The following KHNYN variants were observed in gnomAD, a reference collection of about 807,000 sequenced individuals.
KHNYN encodes the protein protein KHNYN.
A neutral mutation model predicts 62.7 loss-of-function variants in KHNYN; 42 were observed. The ratio of observed to expected loss-of-function variants is 0.67; its 90% CI spans 0.52 to 0.87. KHNYN has a LOEUF of 0.87. Ranked by LOEUF, KHNYN falls within the 40% of genes least tolerant of loss-of-function variation. The probability of loss-of-function intolerance (pLI) is 0.00; values close to 1 mark genes in which losing one functional copy is unlikely to be tolerated. For synonymous variants in KHNYN, 347 were observed against 345.6 expected (o/e 1.00, Z -0.04); for missense variants, 829 against 874.1 (o/e 0.95, Z 0.65).
Position 24,440,290 on chromosome 14 carries a change from AT to A in KHNYN, c.*3007del. On this transcript the variant is annotated 3_prime_UTR_variant, in exon 8 of 8. Transcript: ENST00000553935. The stretch of plus-strand genomic sequence containing the variant: ...CACCCAAGGTCTGGGCAAACTCAGC[AT>A]TAGTGGCGGAGGATGGAGCCACTCC... 1.2e-6 allele frequency: 2 copies of A among 1,614,032 alleles called. No individual in the cohort carries two copies. Among genetic ancestry groups the A allele is most frequent in the Non-Finnish European group, 8.5e-7 (1 of 1,179,896 alleles).
rs999049065 is a variant in KHNYN at position 24,437,342 on chromosome 14, C to T, written c.*57C>T. ...CAGCTCCAGCCGCCTCCAGCTCAGCCCTTTCTGTGAGAGTCCCTCTGCTGC... is the reference window on the plus strand; with the variant it reads ...CAGCTCCAGCCGCCTCCAGCTCAGCTCTTTCTGTGAGAGTCCCTCTGCTGC... On this transcript the variant is annotated 3_prime_UTR_variant, in exon 8 of 8. Coordinates refer to ENST00000553935, the MANE Select transcript of KHNYN (RefSeq NM_015299.3). The surrounding 1 kb of genome is among the most constrained non-coding windows in gnomAD (Gnocchi z 5.5). The T allele has an allele frequency of 6.4e-7, 1 of 1,564,738 alleles. No individual in the cohort carries two copies. Among genetic ancestry groups the T allele is most frequent in the Non-Finnish European group, 8.7e-7 (1 of 1,154,152 alleles).
At position 24,431,833 on chromosome 14, in the gene KHNYN, T is replaced by A; in HGVS notation, c.572T>A (p.Leu191Gln). The A allele has an allele frequency of 1.2e-6, 2 of 1,613,994 alleles. No homozygotes were observed. Among genetic ancestry groups the A allele is most frequent in the South Asian group, 1.1e-5 (1 of 91,086 alleles). The stretch of plus-strand genomic sequence containing the variant: ...CCCCTGGCTGTCCAGGAGGAGCTGC[T>A]GAGTCTGGTGCAGGAGGCGTCTAGT... ...QLPLAVQEEL[L>Q]SLVQEASSGQ... Residue 191 changes from leucine (L) to glutamine (Q), a missense_variant, in exon 3 of 8, where the codon CTG becomes CAG. By Grantham distance (113) the Leu-to-Gln change is moderately radical. Transcript: ENST00000553935.
chr14:24,430,188 G>A (rs1190072802), intron 1 of KHNYN, 69 bp downstream of exon 1: 5 of 969,032 alleles, frequency 5.2e-6, no homozygotes, highest in African/African-American at 3.5e-5. Flanking sequence ...GGCCCGGCCC[G>A]GGGTGGCTGC....
chr14:24,429,604 A>G, upstream of KHNYN: 4 of 922,290 alleles, frequency 4.3e-6, no homozygotes, highest in Admixed American at 3.8e-5. Context: ...CCTCCCGCCT[A>G]CCCCCTCCGC....
chr14:24,441,338 TC>T lies in KHNYN; in HGVS notation c.*4054del. The T allele has an allele frequency of 2.2e-6, 1 of 452,046 alleles. No individual in the cohort carries two copies. The highest frequency in any genetic ancestry group is 4.0e-6 in the Non-Finnish European group (1 of 252,622). The allele number at this position is 452,046 out of a possible 1,614,324, so 28.0% of individuals were successfully genotyped here. Reference sequence around the variant, plus strand: ...TAAATGATAATAAGCATAAAACACTTCAAATAGTGGCTGGTGTGTATAATTG... The same window carrying T: ...TAAATGATAATAAGCATAAAACACTTAAATAGTGGCTGGTGTGTATAATTG... On this transcript the variant is annotated 3_prime_UTR_variant, in exon 8 of 8. Transcript: ENST00000553935.
chr14:24,441,453 C>T lies in KHNYN; in HGVS notation c.*4168C>T. 1 of 521,012 alleles carries T rather than the reference C, an allele frequency of 1.9e-6. No individual in the cohort carries two copies. Among genetic ancestry groups the T allele is most frequent in the Non-Finnish European group, 3.3e-6 (1 of 299,486 alleles). The allele number at this position is 521,012 out of a possible 1,614,324, so 32.3% of individuals were successfully genotyped here. A position where few individuals can be genotyped will look rare whatever the true frequency, so the allele number is the denominator to read the frequency against. On this transcript the variant is annotated 3_prime_UTR_variant, in exon 8 of 8. Coordinates refer to ENST00000553935, the MANE Select transcript of KHNYN (RefSeq NM_015299.3). ...AGTAAGGGACTTTGGGATAGGTGGA[C>T]TTTTCCCTGGCATTGAGTGATGCCA...
chr14:24,426,657 C>T (rs1594747905), upstream of KHNYN: 1 of 152,362 alleles, frequency 6.6e-6, no homozygotes, highest in East Asian at 1.9e-4. Context: ...TAGTGTCTCA[C>T]TGACCACCAT....
Position 24,439,816 on chromosome 14 carries a change from C to G in KHNYN, c.*2531C>G, listed in dbSNP as rs1034607719. The G allele has an allele frequency of 5.1e-6, 2 of 391,654 alleles. No individual in the cohort carries two copies. Among genetic ancestry groups the G allele is most frequent in the African/African-American group, 4.1e-5 (2 of 48,820 alleles). The allele number at this position is 391,654 out of a possible 1,614,324, so 24.3% of individuals were successfully genotyped here. Reference sequence around the variant, plus strand: ...CCTAAACTGCAGAGCATTCTCTACACAGCGTAAAGGAGAAGTGGGGCAGCT... The same window carrying G: ...CCTAAACTGCAGAGCATTCTCTACAGAGCGTAAAGGAGAAGTGGGGCAGCT... On this transcript the variant is annotated 3_prime_UTR_variant, in exon 8 of 8. Coordinates refer to ENST00000553935, the MANE Select transcript of KHNYN (RefSeq NM_015299.3).
In KHNYN at chr14:24,440,127, A is replaced by C; in HGVS notation, c.*2842A>C. On this transcript the variant is annotated 3_prime_UTR_variant, in exon 8 of 8. Coordinates refer to ENST00000553935, the MANE Select transcript of KHNYN (RefSeq NM_015299.3). ...AAGGCAGCCCCTAGCTCTGGGAAGG[A>C]ATACTGGTAGCCAGTGGCCAGTGTT... 6.2e-7 allele frequency: 1 copy of C among 1,612,204 alleles called. No individual in the cohort carries two copies. The highest frequency in any genetic ancestry group is 1.1e-5 in the South Asian group (1 of 90,934).
rs2139415776 is a variant in KHNYN, at chr14:24,441,512, A to C, written c.*4227A>C. Reference sequence around the variant, plus strand: ...TGTTTTTTCAGGGTCTCAATTTCTTAGTGAAAGTACACAAAGGTTAGGAGA... The same window carrying C: ...TGTTTTTTCAGGGTCTCAATTTCTTCGTGAAAGTACACAAAGGTTAGGAGA... On this transcript the variant is annotated 3_prime_UTR_variant, in exon 8 of 8. Transcript: ENST00000553935. 1 of 595,216 alleles carries C rather than the reference A, an allele frequency of 1.7e-6. No individual in the cohort carries two copies. Among genetic ancestry groups the C allele is most frequent in the East Asian group, 3.1e-5 (1 of 32,142 alleles). 36.9% of individuals were successfully genotyped at this position (595,216 alleles called of 1,614,324 possible).
chr14:24,433,005 G>A lies in KHNYN; in HGVS notation c.1550G>A (p.Gly517Asp). 5 of 1,614,144 alleles carry A rather than the reference G, an allele frequency of 3.1e-6. No homozygotes were observed. Among genetic ancestry groups the A allele is most frequent in the Non-Finnish European group, 4.2e-6 (5 of 1,179,998 alleles). Residue 517 changes from glycine (G) to aspartate (D), a missense_variant, in exon 5 of 8, where the codon GGC (glycine) becomes GAC (aspartate). Gly to Asp is a moderately conservative substitution (Grantham distance 94, BLOSUM62 -1). Transcript: ENST00000553935. ...CTCACACCCTCACGAGTCATGGATG[G>A]CAAGAGGATCTCCTCCTATGATGAC... ...LSLTPSRVMDGKRISSYDDRF... is the reference protein window; with the variant it reads ...LSLTPSRVMDDKRISSYDDRF...
rs371975420 is a variant in KHNYN, at chr14:24,436,502, C to T, written c.1787+13C>T. ...AGAAGCCAGCCAGGTAATCAATCCC[C>T]TAGACTACTTACAGGCAGCCCCCAC... is the stretch of plus-strand genomic sequence containing the variant. On this transcript the variant is annotated intron_variant, in intron 7 of 7. Transcript: ENST00000553935. 1.1e-5 allele frequency: 17 copies of T among 1,596,630 alleles called. No individual in the cohort carries two copies. In the South Asian group the frequency reaches 1.3e-4, roughly 12 times the overall value.
upstream of KHNYN, chr14:24,426,691 T>C (rs1287612436): frequency 6.6e-6 from 1 of 152,170 alleles, no homozygotes; most frequent in Non-Finnish European, 1.5e-5. Flanking sequence ...TATTGATAGA[T>C]TCATCCAGGC....
In KHNYN at chr14:24,438,654, G is replaced by A. The variant is rs2043244552; in HGVS notation, c.*1369G>A. On this transcript the variant is annotated 3_prime_UTR_variant, in exon 8 of 8. Transcript: ENST00000553935. ...AGGGTAGCACATTCCCTGTGTAGACGGTATTAATCAGTACTCCTTACTTTA... is the reference window on the plus strand; with the variant it reads ...AGGGTAGCACATTCCCTGTGTAGACAGTATTAATCAGTACTCCTTACTTTA... 1 of 151,712 alleles carries A rather than the reference G, an allele frequency of 6.6e-6. No individual in the cohort carries two copies. The highest frequency in any genetic ancestry group is 2.4e-5 in the African/African-American group (1 of 41,300). 9.4% of individuals were successfully genotyped at this position (151,712 alleles called of 1,614,324 possible). A position where few individuals can be genotyped will look rare whatever the true frequency, so the allele number is the denominator to read the frequency against.
chr14:24,424,466 G>A (rs1475027), upstream of KHNYN, among the ~76,000 whole-genome samples: 786 of 152,296 alleles, frequency 5.2e-3, 8 homozygotes, highest in African/African-American at 0.018. Context: ...ATGTCCTGAA[G>A]ATGTCCATGC....
rs761340359 is a variant in KHNYN at position 24,432,005 on chromosome 14, A to G, written c.744A>G (p.Ala248=). The change falls in exon 3 of 8, where the codon GCA becomes GCG. Residue 248 remains alanine (A), a synonymous_variant. Coordinates refer to ENST00000553935, the MANE Select transcript of KHNYN (RefSeq NM_015299.3). The surrounding 1 kb of genome is among the most constrained non-coding windows in gnomAD (Gnocchi z 5.6). ...TGGGACCCGGAGATTGCAGGGGAGC[A>G]AGGGGAGACACTTACGCTGTGGAGA... The part of the protein sequence containing the change: ...GSMGPGDCRG[A]RGDTYAVEKE... The G allele has an allele frequency of 6.2e-7, 1 of 1,610,964 alleles. No individual in the cohort carries two copies. Among genetic ancestry groups the G allele is most frequent in the South Asian group, 1.1e-5 (1 of 90,768 alleles).
chr14:24,424,472 C>CA (rs1440616678), upstream of KHNYN, among the ~76,000 whole-genome samples: 3 of 152,168 alleles, frequency 2.0e-5, no homozygotes, highest in Non-Finnish European at 2.9e-5. Flanking sequence ...TGAAGATGTC[C>CA]ATGCCTTAAT....
chr14:24,423,670 G>C, the KHNYN span, among the ~76,000 whole-genome samples: 1 of 152,246 alleles, frequency 6.6e-6, no homozygotes, highest in Non-Finnish European at 1.5e-5. Context: ...AAGGAAACCA[G>C]TGAAGAGTTA....
At chr14:24,428,985 G>A (rs773414234), upstream of KHNYN, 8 of 1,550,436 alleles carry the variant, frequency 5.2e-6, no homozygotes, top group Non-Finnish European at 8.7e-7. Flanking sequence ...AGGGCCAGAA[G>A]CACCAGAACC....
Sources: allele counts gnomAD v4.1 joint callset (sites outside exome capture counted in the v4.1 genomes callset), GRCh38; gene constraint gnomAD v4.1.1; non-coding constraint Gnocchi (gnomAD v3.1); transcripts MANE v1.5; gene names NCBI Gene and HGNC (gene_info 2026-07-23, HGNC 2026-07-21).